Variants in MIPEP observed in about 807,000 individuals in gnomAD.
MIPEP encodes the protein mitochondrial intermediate peptidase.
MIPEP carries 79 observed loss-of-function variants against 90.3 expected under a neutral mutation model. That is an observed-to-expected ratio of 0.87 (90% CI 0.73 to 1.05). MIPEP has a LOEUF of 1.05. Ranked by LOEUF, MIPEP falls within the 50% of genes least tolerant of loss-of-function variation. The probability of loss-of-function intolerance (pLI) is 0.00; values close to 1 mark genes in which losing one functional copy is unlikely to be tolerated. For missense variants in MIPEP, 940 were observed against 905.6 expected, an observed-to-expected ratio of 1.04 and a Z score of -0.49; for synonymous variants, 334 against 315.8, an observed-to-expected ratio of 1.06 and a Z score of -0.61.
chr13:23,869,683 C>A (rs1318193003), intron 6 of MIPEP, among the ~76,000 whole-genome samples: 1 of 152,180 alleles, frequency 6.6e-6, no homozygotes, highest in East Asian at 1.9e-4. Flanking sequence ...CAAACCTCTA[C>A]CCAGTGCGTG....
intron 9 of MIPEP, among the ~76,000 whole-genome samples, chr13:23,859,479 T>C (rs1374909201): frequency 2.0e-5 from 3 of 152,210 alleles, no homozygotes; most frequent in African/African-American, 7.2e-5. Context: ...AAGGGAAAGC[T>C]TGAATACTTG....
intron 18 of MIPEP, among the ~76,000 whole-genome samples, chr13:23,750,380 T>C (rs527816156): frequency 1.3e-5 from 2 of 152,368 alleles, no homozygotes; most frequent in East Asian, 1.9e-4. Context: ...CTCTAGACTG[T>C]GTCAGCTTCT....
chr13:23,741,917 T>G (rs1486025177), intron 18 of MIPEP, among the ~76,000 whole-genome samples: 1 of 152,218 alleles, frequency 6.6e-6, no homozygotes, highest in African/African-American at 2.4e-5. Flanking sequence ...TAAGTTCCAT[T>G]AGCCAGATTT....
At chr13:23,842,176 T>C (rs1234565813) in intron 10 of MIPEP, 2 of 152,164 alleles carry the variant, frequency 1.3e-5, no homozygotes, top group South Asian at 2.1e-4. Context: ...AGCCAAAATA[T>C]ATAGCCATAG....
At chr13:23,841,593 A>G in intron 10 of MIPEP, 105 bp from the exon 11 acceptor site, 1 of 1,229,322 alleles carries the variant, frequency 8.1e-7, no homozygotes, top group Non-Finnish European at 1.1e-6. Context: ...GGAGCTAAAG[A>G]AGGATTCAAA....
chr13:23,877,492 T>A (rs1398771752), intron 4 of MIPEP, among the ~76,000 whole-genome samples: 3 of 152,212 alleles, frequency 2.0e-5, no homozygotes. Context: ...AAACCCCAAG[T>A]TAAACAGGTT....
intron 11 of MIPEP, among the ~76,000 whole-genome samples, chr13:23,840,122 T>C (rs1869230271): frequency 6.6e-6 from 1 of 152,180 alleles, no homozygotes; most frequent in Non-Finnish European, 1.5e-5. Flanking sequence ...ACCCTTGAAT[T>C]TGAAAACACC....
At chr13:23,786,134 G>A (rs566773434) in intron 16 of MIPEP, among the ~76,000 whole-genome samples, 168 of 152,010 alleles carry the variant, frequency 1.1e-3, no homozygotes, top group African/African-American at 4.0e-3. Context: ...GGCTGAGGTG[G>A]GAGGACTGCT....
intron 4 of MIPEP, 112 bp downstream of exon 4, chr13:23,879,156 G>C: frequency 1.4e-6 from 1 of 700,614 alleles, no homozygotes; most frequent in Non-Finnish European, 2.6e-6. Context: ...AGATACCTGG[G>C]GAGGAACATT....
intron 18 of MIPEP, among the ~76,000 whole-genome samples, chr13:23,738,794 G>A (rs1952292511): frequency 1.3e-5 from 2 of 152,090 alleles, no homozygotes; most frequent in South Asian, 4.2e-4. Context: ...ACCTAAAAGT[G>A]GACTGACATC....
intron 5 of MIPEP, among the ~76,000 whole-genome samples, chr13:23,873,996 A>G (rs1870948951): frequency 6.6e-6 from 1 of 152,192 alleles, no homozygotes; most frequent in Non-Finnish European, 1.5e-5. Flanking sequence ...GGTAACATCT[A>G]TTGTATGTGA....
chr13:23,793,478 G>C (rs978280725), intron 16 of MIPEP, among the ~76,000 whole-genome samples: 1 of 152,096 alleles, frequency 6.6e-6, no homozygotes, highest in East Asian at 1.9e-4. Context: ...CATATTTCCA[G>C]AAGTTCATGG....
chr13:23,774,405 G>A (rs893501516), intron 16 of MIPEP, among the ~76,000 whole-genome samples: 16 of 152,018 alleles, frequency 1.1e-4, no homozygotes, highest in African/African-American at 3.9e-4. Context: ...CCACATTTCC[G>A]TGAGAAATTT....
intron 14 of MIPEP, among the ~76,000 whole-genome samples, chr13:23,830,025 G>T (rs747925065): frequency 1.3e-5 from 2 of 152,148 alleles, no homozygotes; most frequent in Non-Finnish European, 2.9e-5. Context: ...GAAACATTTT[G>T]AAAAACAATT....
At chr13:23,831,383 C>CGGGCGGGGGGGGGGGGGGGGGGG (rs1555237543) in intron 14 of MIPEP, among the ~76,000 whole-genome samples, 1 of 40,856 alleles carries the variant, frequency 2.4e-5, no homozygotes, top group African/African-American at 8.4e-5. Context: ...TTCCCCATGG[C>CGGGCGGGGGGGGGGGGGGGGGGG]GGGGGGGGGA....
At chr13:23,807,537 C>T (rs1486947848) in intron 15 of MIPEP, among the ~76,000 whole-genome samples, 1 of 152,166 alleles carries the variant, frequency 6.6e-6, no homozygotes, top group Non-Finnish European at 1.5e-5. Flanking sequence ...TAAGTTTAAA[C>T]CTTCCCTAGA....
intron 14 of MIPEP, among the ~76,000 whole-genome samples, chr13:23,810,452 A>C (rs1439502736): frequency 6.6e-6 from 1 of 152,222 alleles, no homozygotes; most frequent in South Asian, 2.1e-4. Context: ...GAGCTTGGAC[A>C]CTTAGTTTAA....
intron 16 of MIPEP, among the ~76,000 whole-genome samples, chr13:23,767,770 AT>A (rs940270711): frequency 1.1e-4 from 16 of 151,428 alleles, no homozygotes; most frequent in East Asian, 1.9e-4. Context: ...ATATTTTTTA[AT>A]TTTTTTTTGT....
intron 4 of MIPEP, among the ~76,000 whole-genome samples, 174 bp downstream of exon 4, chr13:23,879,094 T>C (rs1038398027): frequency 1.3e-5 from 2 of 152,090 alleles, no homozygotes; most frequent in African/African-American, 4.8e-5. Context: ...TGCAAAGATT[T>C]TGGAGGAGAC....
Sources: gnomAD v4.1 joint callset for allele counts (sites outside exome capture counted in the v4.1 genomes callset) on GRCh38, gnomAD v4.1.1 for gene constraint, MANE v1.5 for transcripts, NCBI Gene and HGNC (gene_info 2026-07-23, HGNC 2026-07-21) for gene names.